The following CCDC125 variants were observed in gnomAD, a reference collection of about 807,000 sequenced individuals.
CCDC125 encodes coiled-coil domain containing 125, also known as coiled-coil domain-containing protein 125.
CCDC125 carries 43 observed loss-of-function variants against 57.4 expected under a neutral mutation model. That is an observed-to-expected ratio of 0.75 (90% CI 0.59 to 0.97). The LOEUF (loss-of-function observed/expected upper bound fraction) is 0.97, where lower values mean the gene tolerates loss of function less well. Ranked by LOEUF, CCDC125 falls within the 50% of genes least tolerant of loss-of-function variation. The pLI is 0.00. For missense variants in CCDC125, 563 were observed against 595.7 expected, an observed-to-expected ratio of 0.95 and a Z score of 0.57; for synonymous variants, 187 against 195.2, an observed-to-expected ratio of 0.96 and a Z score of 0.35.
At chr5:69,299,916 A>G (rs1242209974) in intron 8 of CCDC125, 96 bp downstream of exon 8, 12 of 974,182 alleles carry the variant, frequency 1.2e-5, no homozygotes, top group African/African-American at 3.2e-5. Flanking sequence ...ATTGCTAAGT[A>G]TGTGCTATCC....
chr5:69,327,307 G>A (rs1021928111), intron 1 of CCDC125, among the ~76,000 whole-genome samples: 4 of 151,954 alleles, frequency 2.6e-5, no homozygotes, highest in African/African-American at 9.7e-5. Flanking sequence ...CGTTAGCCAG[G>A]ATGGTCTCGA....
intron 6 of CCDC125, 102 bp downstream of exon 6, chr5:69,306,715 T>C (rs969925427): frequency 9.7e-6 from 12 of 1,234,350 alleles, no homozygotes; most frequent in Non-Finnish European, 1.1e-5. Flanking sequence ...ATAAAAATTT[T>C]GTAATATTTT....
At chr5:69,320,719 A>G (rs1378968144) in intron 1 of CCDC125, 139 bp from the exon 2 acceptor site, 2 of 603,590 alleles carry the variant, frequency 3.3e-6, no homozygotes, top group Non-Finnish European at 5.8e-6. Context: ...ACTGTTCACA[A>G]TAGCCAAGAT....
rs1412857199 is a variant in CCDC125, at chr5:69,282,936, T to G, written c.1329A>C (p.Lys443Asn). ...EDKDTASNEN[K>N]EKNPIKENFP... Reference sequence around the variant, plus strand: ...AATTCTCTTTTATAGGATTTTTTTCTTTATTCTCGTTTGAAGCAGTGTCTT... The same window carrying G: ...AATTCTCTTTTATAGGATTTTTTTCGTTATTCTCGTTTGAAGCAGTGTCTT... Residue 443 changes from lysine (K) to asparagine (N), a missense_variant, in exon 12 of 12, where the codon AAA becomes AAC. Transcript: ENST00000396496. The G allele has an allele frequency of 2.5e-6, 4 of 1,613,938 alleles. No homozygotes were observed. The highest frequency in any genetic ancestry group is 2.7e-5 in the African/African-American group (2 of 74,938).
intron 5 of CCDC125, among the ~76,000 whole-genome samples, chr5:69,307,347 T>C (rs903973953): frequency 6.6e-6 from 1 of 151,908 alleles, no homozygotes; most frequent in Non-Finnish European, 1.5e-5. Flanking sequence ...ACGTACGTCC[T>C]GCCAGGCAAC....
chr5:69,320,151 T>C, intron 2 of CCDC125, 86 bp downstream of exon 2: 3 of 1,221,054 alleles, frequency 2.5e-6, no homozygotes, highest in Non-Finnish European at 2.3e-6. Flanking sequence ...AAATCCAATA[T>C]GGTTATTTAT....
chr5:69,304,993 C>T (rs922352157), intron 6 of CCDC125, among the ~76,000 whole-genome samples: 26 of 151,210 alleles, frequency 1.7e-4, no homozygotes, highest in Non-Finnish European at 1.0e-4. Flanking sequence ...GGGAAATCTC[C>T]GTACCTTCTG....
intron 10 of CCDC125, among the ~76,000 whole-genome samples, chr5:69,289,931 C>T (rs1224608917): frequency 2.0e-5 from 3 of 150,358 alleles, no homozygotes; most frequent in Non-Finnish European, 4.4e-5. Context: ...TCAAAAGTTT[C>T]GTGTCAGAAA....
chr5:69,299,304 T>G (rs1755963422), intron 8 of CCDC125, among the ~76,000 whole-genome samples: 1 of 152,046 alleles, frequency 6.6e-6, no homozygotes, highest in African/African-American at 2.4e-5. Context: ...AGAGACAGGG[T>G]TTCACCATGT....
intron 11 of CCDC125, among the ~76,000 whole-genome samples, chr5:69,284,129 AC>A (rs1335266163): frequency 6.6e-6 from 1 of 151,554 alleles, no homozygotes; most frequent in African/African-American, 2.4e-5. Context: ...AAAAAAAAAA[AC>A]AGAAGACAGC....
At chr5:69,303,050 C>T (rs1039646776) in intron 7 of CCDC125, among the ~76,000 whole-genome samples, 6 of 152,112 alleles carry the variant, frequency 3.9e-5, no homozygotes, top group South Asian at 2.1e-4. Flanking sequence ...GACCGAGTTT[C>T]GCTCTGTCAC....
intron 1 of CCDC125, among the ~76,000 whole-genome samples, chr5:69,322,056 G>A (rs1468449037): frequency 6.6e-6 from 1 of 151,884 alleles, no homozygotes; most frequent in Non-Finnish European, 1.5e-5. Context: ...GGTCAAGCTG[G>A]TCTCGAACTC....
intron 9 of CCDC125, among the ~76,000 whole-genome samples, chr5:69,294,582 C>T (rs557613933): frequency 2.0e-5 from 3 of 152,268 alleles, no homozygotes; most frequent in Admixed American, 6.5e-5. Flanking sequence ...CGTGAGCCAC[C>T]GCACCCTGCC....
chr5:69,308,369 C>G, intron 4 of CCDC125: 1 of 298,144 alleles, frequency 3.4e-6, no homozygotes, highest in Non-Finnish European at 6.5e-6. Context: ...ATAATTACCA[C>G]ATGTTGTGAG....
chr5:69,278,473 A>G (rs1377351027), downstream of CCDC125, among the ~76,000 whole-genome samples: 2 of 151,576 alleles, frequency 1.3e-5, no homozygotes, highest in African/African-American at 4.8e-5. Flanking sequence ...TTGACCTCCC[A>G]AAGTGCTGGG....
At chr5:69,306,670 C>CT (rs1405725512) in intron 6 of CCDC125, 147 bp downstream of exon 6, 14 of 944,642 alleles carry the variant, frequency 1.5e-5, no homozygotes, top group Non-Finnish European at 2.0e-5. Flanking sequence ...AAAATTAACA[C>CT]TAACAAAAAT....
At chr5:69,318,246 C>T (rs1228885682) in intron 2 of CCDC125, among the ~76,000 whole-genome samples, 1 of 151,506 alleles carries the variant, frequency 6.6e-6, no homozygotes, top group Non-Finnish European at 1.5e-5. Flanking sequence ...TCCCAAAGTG[C>T]TGGGATTACA....
intron 3 of CCDC125, chr5:69,313,406 T>G: frequency 6.6e-7 from 1 of 1,524,860 alleles, no homozygotes. Flanking sequence ...ATGATGGCAC[T>G]GCCCCCCAGC....
Position 69,280,461 on chromosome 5 carries a change from A to G in CCDC125, c.*2268T>C, listed in dbSNP as rs931250290. 3 of 152,160 alleles carry G rather than the reference A, an allele frequency of 2.0e-5. No homozygotes were observed. Among genetic ancestry groups the G allele is most frequent in the Non-Finnish European group, 1.5e-5 (1 of 68,038 alleles). The allele number at this position is 152,160 out of a possible 1,614,324, so 9.4% of individuals were successfully genotyped here. ...GATTACTGCAACACCTCACCTCCTT[A>G]TGAATAATAATGCAAAACTCCCATA... On this transcript the variant is annotated 3_prime_UTR_variant, in exon 12 of 12. Coordinates refer to ENST00000396496, the MANE Select transcript of CCDC125 (RefSeq NM_176816.5).
Sources: allele counts gnomAD v4.1 joint callset (sites outside exome capture counted in the v4.1 genomes callset), GRCh38; gene constraint gnomAD v4.1.1; transcripts MANE v1.5; gene names NCBI Gene and HGNC (gene_info 2026-07-23, HGNC 2026-07-21).